The following SGCZ variants were observed in gnomAD, a reference collection of about 807,000 sequenced individuals.
SGCZ encodes sarcoglycan zeta.
A neutral mutation model predicts 41.3 loss-of-function variants in SGCZ; 40 were observed. The observed-to-expected ratio is 0.97, with a 90% CI of 0.75 to 1.26. SGCZ has a LOEUF of 1.26. Ranked by LOEUF, SGCZ falls within the 50% of genes most tolerant of loss-of-function variation. SGCZ has a pLI of 0.00. For synonymous variants in SGCZ, 206 were observed against 137.5 expected (o/e 1.50, Z -3.49); for missense variants, 552 against 369.8 (o/e 1.49, Z -4.04).
intron 1 of SGCZ, among the ~76,000 whole-genome samples, chr8:14,766,105 G>A (rs1412142686): frequency 6.6e-6 from 1 of 151,862 alleles, no homozygotes; most frequent in Non-Finnish European, 1.5e-5. Context: ...AGGGATTACA[G>A]GTATGTGCCA....
At chr8:14,232,668 T>C (rs1382151) in intron 4 of SGCZ, among the ~76,000 whole-genome samples, 4,707 of 152,094 alleles carry the variant, frequency 0.031, 251 homozygotes, top group African/African-American at 0.099. Context: ...TAGTTACATA[T>C]GTATACATGT....
intron 1 of SGCZ, among the ~76,000 whole-genome samples, chr8:14,953,070 C>T (rs74670282): frequency 0.034 from 5,115 of 152,112 alleles, 91 homozygotes; most frequent in Non-Finnish European, 0.045. Flanking sequence ...CAAAATCAGA[C>T]GTTTGTGTGT....
chr8:15,222,944 G>A (rs970315587), intron 1 of SGCZ, among the ~76,000 whole-genome samples: 1 of 152,120 alleles, frequency 6.6e-6, no homozygotes, highest in Non-Finnish European at 1.5e-5. Context: ...CAAATTGCAT[G>A]AGTTTCATGA....
rs566079444 is a variant in SGCZ at position 14,954,343 on chromosome 8, C to G, written c.39+283242G>C. Among the ~76,000 whole-genome samples, 175 of 152,272 alleles carry G rather than the reference C, an allele frequency of 1.1e-3. 1 individual carries two copies. Among genetic ancestry groups the G allele is most frequent in the African/African-American group, 4.0e-3 (167 of 41,554 alleles). On this transcript the variant is annotated intron_variant, in intron 1 of 7. Transcript: ENST00000382080. ...TTACACACAGCTACAGAAGATGTGGCAGACAGACTCTATCTGCCTTCACAT... is the reference window on the plus strand; with the variant it reads ...TTACACACAGCTACAGAAGATGTGGGAGACAGACTCTATCTGCCTTCACAT...
At chr8:14,812,770 C>T (rs1289436149) in intron 1 of SGCZ, among the ~76,000 whole-genome samples, 1 of 152,066 alleles carries the variant, frequency 6.6e-6, no homozygotes, top group Non-Finnish European at 1.5e-5. Flanking sequence ...CTTAACAGTG[C>T]TTTTATAGTT....
chr8:14,492,614 A>C (rs1253445414), intron 2 of SGCZ, among the ~76,000 whole-genome samples: 1 of 152,146 alleles, frequency 6.6e-6, no homozygotes, highest in African/African-American at 2.4e-5. Context: ...ATCTGCTCAA[A>C]TTTCTCACTA....
At chr8:14,871,438 A>G (rs759552545) in intron 1 of SGCZ, among the ~76,000 whole-genome samples, 5 of 152,166 alleles carry the variant, frequency 3.3e-5, no homozygotes, top group Non-Finnish European at 7.4e-5. Context: ...ATGCACACAT[A>G]TGTTTACTGC....
At chr8:14,558,157 G>A (rs998142749) in intron 1 of SGCZ, among the ~76,000 whole-genome samples, 1 of 152,110 alleles carries the variant, frequency 6.6e-6, no homozygotes, top group Non-Finnish European at 1.5e-5. Flanking sequence ...CAAGCAGTGA[G>A]ATTGAAACTG....
intron 1 of SGCZ, among the ~76,000 whole-genome samples, chr8:14,619,429 G>T (rs1806212014): frequency 6.6e-6 from 1 of 150,954 alleles, no homozygotes; most frequent in Admixed American, 6.6e-5. Context: ...AATGTTGGAA[G>T]TTCTGGCCAG....
chr8:14,695,541 G>A (rs1358099881), intron 1 of SGCZ, among the ~76,000 whole-genome samples: 2 of 152,014 alleles, frequency 1.3e-5, no homozygotes, highest in Non-Finnish European at 2.9e-5. Context: ...AGTAAAATGT[G>A]TTGCCTCCGG....
chr8:14,763,947 G>C (rs539052825), intron 1 of SGCZ, among the ~76,000 whole-genome samples: 13 of 152,284 alleles, frequency 8.5e-5, no homozygotes, highest in Admixed American at 8.5e-4. Context: ...TTTGACTTGC[G>C]GTAATCAAGT....
chr8:14,300,352 G>A (rs973803433), intron 3 of SGCZ, among the ~76,000 whole-genome samples: 2 of 151,608 alleles, frequency 1.3e-5, no homozygotes, highest in African/African-American at 2.4e-5. Flanking sequence ...AGAAAGCGGG[G>A]AGAAAGGAAG....
At chr8:14,161,006 T>C (rs1429184438) in intron 5 of SGCZ, among the ~76,000 whole-genome samples, 2 of 152,212 alleles carry the variant, frequency 1.3e-5, no homozygotes, top group Non-Finnish European at 2.9e-5. Context: ...TAGAAAACAT[T>C]TGTGCCACAA....
intron 1 of SGCZ, among the ~76,000 whole-genome samples, chr8:14,898,600 G>A (rs1805289885): frequency 6.6e-6 from 1 of 152,142 alleles, no homozygotes; most frequent in African/African-American, 2.4e-5. Flanking sequence ...TTGGGTGACA[G>A]GAATAGAAGT....
chr8:14,173,233 T>C (rs994551614), intron 4 of SGCZ, among the ~76,000 whole-genome samples: 3 of 151,596 alleles, frequency 2.0e-5, no homozygotes, highest in African/African-American at 7.3e-5. Context: ...TGCAAAAATG[T>C]GGGAAAATTG....
intron 2 of SGCZ, among the ~76,000 whole-genome samples, chr8:14,503,306 G>A (rs945583354): frequency 4.6e-5 from 7 of 152,006 alleles, no homozygotes; most frequent in African/African-American, 1.7e-4. Flanking sequence ...GGGGATGGGG[G>A]GCAAGGGGAG....
At chr8:14,927,102 CTTTTTTTTTTT>C (rs71209091) in intron 1 of SGCZ, among the ~76,000 whole-genome samples, 1 of 82,684 alleles carries the variant, frequency 1.2e-5, no homozygotes. Context: ...GTTCCTGATT[CTTTTTTTTTTT>C]TTTTTTTTTT....
chr8:14,832,412 A>G (rs1233251609), intron 1 of SGCZ, among the ~76,000 whole-genome samples: 2 of 152,198 alleles, frequency 1.3e-5, no homozygotes, highest in Admixed American at 1.3e-4. Context: ...GTGGTCCAAG[A>G]CCAGGCAAGA....
intron 1 of SGCZ, among the ~76,000 whole-genome samples, chr8:14,669,660 G>T (rs1010153558): frequency 1.3e-5 from 2 of 150,686 alleles, no homozygotes; most frequent in African/African-American, 2.4e-5. Context: ...ACTTGCTTCT[G>T]TCTTATGGCT....
Sources: allele counts gnomAD v4.1 joint callset (sites outside exome capture counted in the v4.1 genomes callset), GRCh38; gene constraint gnomAD v4.1.1; transcripts MANE v1.5; gene names NCBI Gene and HGNC (gene_info 2026-07-23, HGNC 2026-07-21).